Variants in DIS3L2 observed in about 807,000 individuals in gnomAD.
DIS3L2 encodes DIS3 like 3'-5' exoribonuclease 2.
DIS3L2 carries 34 observed loss-of-function variants against 97.5 expected under a neutral mutation model. That is an observed-to-expected ratio of 0.35 (90% CI 0.27 to 0.46). The LOEUF (loss-of-function observed/expected upper bound fraction) is 0.46. DIS3L2 is among the 20% of genes least tolerant of loss of function. The pLI is 1.00. For missense variants in DIS3L2, 1,038 were observed against 1,146.0 expected (o/e 0.91, Z 1.36); for synonymous variants, 435 against 445.2 (o/e 0.98, Z 0.29).
intron 13 of DIS3L2, among the ~76,000 whole-genome samples, chr2:232,274,428 C>T (rs960396898): frequency 2.0e-5 from 3 of 152,172 alleles, no homozygotes; most frequent in African/African-American, 7.2e-5. Context: ...AATTCTTTGA[C>T]GTTAGTAAAA....
At chr2:232,130,563 T>G in intron 6 of DIS3L2, 56 bp from the exon 7 acceptor site, 1 of 1,551,486 alleles carries the variant, frequency 6.4e-7, no homozygotes, top group Non-Finnish European at 8.7e-7. Context: ...AAAATCCCAC[T>G]AATTGATATG....
intron 5 of DIS3L2, among the ~76,000 whole-genome samples, chr2:232,059,423 C>T (rs1232914662): frequency 6.6e-6 from 1 of 152,190 alleles, no homozygotes; most frequent in East Asian, 1.9e-4. Flanking sequence ...CCACCAAACC[C>T]AGCATAAGCC....
intron 6 of DIS3L2, among the ~76,000 whole-genome samples, chr2:232,121,542 T>C (rs1697905611): frequency 6.6e-6 from 1 of 152,186 alleles, no homozygotes; most frequent in African/African-American, 2.4e-5. Context: ...TACCTTAAAC[T>C]AAAAACTGAC....
intron 14 of DIS3L2, 28 bp from the exon 15 acceptor site, chr2:232,329,785 T>TGCCCGGGGGGACCC: frequency 2.1e-6 from 2 of 967,142 alleles, no homozygotes; most frequent in Non-Finnish European, 2.9e-6. Context: ...ACCCCAGCGG[T>TGCCCGGGGGGACCC]CCCTCCCATC....
At chr2:232,038,703 G>C (rs1459247994) in intron 5 of DIS3L2, among the ~76,000 whole-genome samples, 2 of 152,194 alleles carry the variant, frequency 1.3e-5, no homozygotes, top group African/African-American at 4.8e-5. Context: ...GGAAGTCTAA[G>C]ACGATGGGGT....
At chr2:232,341,099 A>G (rs1320319886), downstream of DIS3L2, 7 of 371,502 alleles carry the variant, frequency 1.9e-5, no homozygotes, top group African/African-American at 1.3e-4. Flanking sequence ...CCACTAGAGT[A>G]AAAACACTGC....
rs371491232 is a variant in DIS3L2, at chr2:231,962,542, C to T, written c.-94+777C>T. Among the ~76,000 whole-genome samples the T allele has an allele frequency of 5.6e-4, 85 of 150,974 alleles. No individual in the cohort carries two copies. The East Asian group carries it at 0.015, about 26-fold the overall frequency. Reference sequence around the variant, plus strand: ...CTCCGCCTCCTGGGTTCATGCCATTCTTCTGCCTCAGCCTCCCGAGTAGCT... The same window carrying T: ...CTCCGCCTCCTGGGTTCATGCCATTTTTCTGCCTCAGCCTCCCGAGTAGCT... On this transcript the variant is annotated intron_variant, in intron 1 of 20. Coordinates refer to ENST00000325385, the MANE Select transcript of DIS3L2 (RefSeq NM_152383.5).
chr2:232,101,256 TC>T (rs1315829565), intron 6 of DIS3L2, among the ~76,000 whole-genome samples: 1 of 151,962 alleles, frequency 6.6e-6, no homozygotes, highest in African/African-American at 2.4e-5. Context: ...CATTTAAAAA[TC>T]TGTGTCTGTA....
chr2:231,980,716 AAAGAT>A (rs1693228544), intron 1 of DIS3L2, among the ~76,000 whole-genome samples: 1 of 152,138 alleles, frequency 6.6e-6, no homozygotes, highest in Admixed American at 6.5e-5. Flanking sequence ...GAGAAAAAAA[AAAGAT>A]AAGCTTGTTA....
At chr2:232,139,062 A>G (rs1698438368) in intron 8 of DIS3L2, among the ~76,000 whole-genome samples, 1 of 152,222 alleles carries the variant, frequency 6.6e-6, no homozygotes, top group South Asian at 2.1e-4. Flanking sequence ...TTGCATGTAT[A>G]TATCATAGCG....
In DIS3L2 at chr2:231,971,201, A is replaced by C. The variant is rs866594113; in HGVS notation, c.-94+9436A>C. 2.0e-5 allele frequency among the ~76,000 whole-genome samples: 3 copies of C among 152,012 alleles called. 1 individual carries two copies. In the South Asian group the frequency reaches 6.2e-4, roughly 32 times the overall value. On this transcript the variant is annotated intron_variant, in intron 1 of 20. Coordinates refer to ENST00000325385, the MANE Select transcript of DIS3L2 (RefSeq NM_152383.5). ...TTTCCAAATTGTACTTTAGGTTTGG[A>C]GGTGCGTGTACAGGTTTGTTACATG...
In DIS3L2 at chr2:232,336,712, T is replaced by G. The variant is rs771250184; in HGVS notation, c.*82T>G. Reference sequence around the variant, plus strand: ...TAGGACCTGTTGACACGGAGGGGGGTTTTTAATTTGGTTTTTAACAACTCA... The same window carrying G: ...TAGGACCTGTTGACACGGAGGGGGGGTTTTAATTTGGTTTTTAACAACTCA... On this transcript the variant is annotated 3_prime_UTR_variant, in exon 21 of 21. Transcript: ENST00000325385. 2.1e-5 allele frequency: 31 copies of G among 1,498,272 alleles called. No individual in the cohort carries two copies. Among genetic ancestry groups the G allele is most frequent in the Middle Eastern group, 1.9e-4 (1 of 5,202 alleles). The allele number at this position is 1,498,272 out of a possible 1,614,324, so 92.8% of individuals were successfully genotyped here.
chr2:231,974,018 G>A (rs12988095), intron 1 of DIS3L2, among the ~76,000 whole-genome samples: 29,883 of 151,966 alleles, frequency 0.2, 3,737 homozygotes, highest in South Asian at 0.44. Context: ...TTTTTAAAAA[G>A]CTTCCCATGT....
downstream of DIS3L2, among the ~76,000 whole-genome samples, chr2:232,340,293 G>A (rs1172490028): frequency 6.6e-6 from 1 of 152,216 alleles, no homozygotes; most frequent in Non-Finnish European, 1.5e-5. Flanking sequence ...AGCAACAGCT[G>A]GAACTGCCCC....
Position 232,136,519 on chromosome 2 carries a change from C to T in DIS3L2, c.750C>T (p.Phe250=), listed in dbSNP as rs752349220. The part of the protein sequence containing the change: ...EKKHSRAATG[F]LKLLADKNSE... The stretch of plus-strand genomic sequence containing the variant: ...AACATTCTCGAGCAGCAACCGGCTT[C>T]CTCAAACTCTTGGCTGATAAGAACA... Residue 250 remains phenylalanine (F), a synonymous_variant, in exon 8 of 21, where the codon TTC becomes TTT. Coordinates refer to ENST00000325385, the MANE Select transcript of DIS3L2 (RefSeq NM_152383.5). 1 of 1,614,056 alleles carries T rather than the reference C, an allele frequency of 6.2e-7. No individual in the cohort carries two copies. Among genetic ancestry groups the T allele is most frequent in the East Asian group, 2.2e-5 (1 of 44,880 alleles).
intron 10 of DIS3L2, among the ~76,000 whole-genome samples, chr2:232,218,692 G>A (rs1378023889): frequency 6.6e-6 from 1 of 152,182 alleles, no homozygotes; most frequent in Non-Finnish European, 1.5e-5. Context: ...AGTAATCTTG[G>A]AATCACATTT....
In DIS3L2 at chr2:232,252,585, C is replaced by T. The variant is rs184528903; in HGVS notation, c.1425+3239C>T. Reference sequence around the variant, plus strand: ...ATTGTGGCTATTCATTTTTGTACTACACCAAACTTTAATAGTTTCTCAAAA... The same window carrying T: ...ATTGTGGCTATTCATTTTTGTACTATACCAAACTTTAATAGTTTCTCAAAA... On this transcript the variant is annotated intron_variant, in intron 12 of 20. Transcript: ENST00000325385. Among the ~76,000 whole-genome samples the T allele has an allele frequency of 2.1e-3, 325 of 152,286 alleles. 2 individuals carry two copies. Among genetic ancestry groups the T allele is most frequent in the African/African-American group, 7.4e-3 (309 of 41,558 alleles).
At chr2:232,158,542 A>G (rs1690563918) in intron 8 of DIS3L2, among the ~76,000 whole-genome samples, 2 of 152,230 alleles carry the variant, frequency 1.3e-5, no homozygotes, top group South Asian at 2.1e-4. Flanking sequence ...AGTCTTAGAA[A>G]TGAGGAATTT....
At chr2:231,979,931 C>T (rs1693205502) in intron 1 of DIS3L2, among the ~76,000 whole-genome samples, 1 of 152,088 alleles carries the variant, frequency 6.6e-6, no homozygotes, top group South Asian at 2.1e-4. Context: ...GCCAGGTGTG[C>T]TATTACCATT....
Sources: gnomAD v4.1 joint callset for allele counts (sites outside exome capture counted in the v4.1 genomes callset) on GRCh38, gnomAD v4.1.1 for gene constraint, MANE v1.5 for transcripts, NCBI Gene and HGNC (gene_info 2026-07-23, HGNC 2026-07-21) for gene names.